Variants in SCUBE2 observed in about 807,000 individuals in gnomAD.
The protein encoded by SCUBE2 is signal peptide, CUB domain and EGF like domain containing 2.
A neutral mutation model predicts 125.9 loss-of-function variants in SCUBE2; 114 were observed. That is an observed-to-expected ratio of 0.91 (90% CI 0.78 to 1.06). The LOEUF is 1.06. Among genes scored for constraint, SCUBE2 ranks in the 50% least tolerant of loss-of-function variants. SCUBE2 has a pLI of 0.00. For synonymous variants in SCUBE2, 459 were observed against 492.9 expected (o/e 0.93, Z 0.91); for missense variants, 1,255 against 1,301.8 (o/e 0.96, Z 0.55).
At position 9,026,994 on chromosome 11, in the gene SCUBE2, TCCCCA is replaced by T. The variant is rs1855821889; in HGVS notation, c.2701+365_2701+369del. On this transcript the variant is annotated intron_variant, in intron 20 of 22. Coordinates refer to ENST00000649792, the MANE Select transcript of SCUBE2 (RefSeq NM_001367977.2). ...CCATGAATCAGGATAGGAGGACAGGTCCCCACCTGGCCAGGCTCGGTCAGTCTCCA... is the reference window on the plus strand; with the variant it reads ...CCATGAATCAGGATAGGAGGACAGGTCCTGGCCAGGCTCGGTCAGTCTCCA... 1.6e-5 allele frequency: 4 copies of T among 257,910 alleles called. No individual in the cohort carries two copies. The South Asian group carries it at 2.1e-4, about 14-fold the overall frequency. The allele number at this position is 257,910 out of a possible 1,614,324, so 16.0% of individuals were successfully genotyped here.
At chr11:9,054,701 G>GTGTATATATATATATATA (rs1303442592) in intron 10 of SCUBE2, among the ~76,000 whole-genome samples, 2 of 51,080 alleles carry the variant, frequency 3.9e-5, no homozygotes, top group East Asian at 7.2e-4. Context: ...AAGCACTAGT[G>GTGTATATATATATATATA]TATATATATA....
At chr11:9,051,348 A>G (rs756646463) in intron 13 of SCUBE2, among the ~76,000 whole-genome samples, 7 of 152,136 alleles carry the variant, frequency 4.6e-5, no homozygotes, top group Non-Finnish European at 2.9e-5. Flanking sequence ...CCTGAGAAAA[A>G]AAGGCCAGAA....
At chr11:9,034,012 C>G (rs1856550144) in intron 16 of SCUBE2, among the ~76,000 whole-genome samples, 1 of 152,218 alleles carries the variant, frequency 6.6e-6, no homozygotes, top group African/African-American at 2.4e-5. Context: ...AGCTCTGTCT[C>G]TCCCTAGACC....
At chr11:9,069,309 C>T in intron 5 of SCUBE2, 61 bp downstream of exon 5, 10 of 1,600,046 alleles carry the variant, frequency 6.2e-6, no homozygotes, top group Non-Finnish European at 5.1e-6. Context: ...AGCTGGGCCA[C>T]AGAAGGCAGC....
chr11:9,088,338 A>G (rs1862295917), intron 2 of SCUBE2, among the ~76,000 whole-genome samples: 1 of 152,206 alleles, frequency 6.6e-6, no homozygotes, highest in Non-Finnish European at 1.5e-5. Flanking sequence ...AAATACAAAA[A>G]TTAGCTGGAC....
intron 18 of SCUBE2, chr11:9,030,474 A>G: frequency 2.3e-6 from 1 of 441,652 alleles, no homozygotes; most frequent in South Asian, 2.8e-5. Flanking sequence ...GAGATGGAGG[A>G]GGGCTAGAGG....
chr11:9,029,320 C>G (rs1856065717), intron 19 of SCUBE2, among the ~76,000 whole-genome samples: 3 of 152,336 alleles, frequency 2.0e-5, no homozygotes, highest in Admixed American at 2.0e-4. Context: ...CCAGGGGTCT[C>G]CTCCCAAAAG....
At chr11:9,066,338 C>T (rs1860229772) in intron 6 of SCUBE2, among the ~76,000 whole-genome samples, 1 of 152,204 alleles carries the variant, frequency 6.6e-6, no homozygotes, top group Non-Finnish European at 1.5e-5. Context: ...GGCAGGCATC[C>T]CGCCAGAAAT....
At chr11:9,035,436 C>A (rs1459087939) in intron 16 of SCUBE2, among the ~76,000 whole-genome samples, 1 of 152,090 alleles carries the variant, frequency 6.6e-6, no homozygotes, top group Non-Finnish European at 1.5e-5. Flanking sequence ...AACAAACGGG[C>A]AGATTTAAGT....
chr11:9,047,094 T>C (rs1032839545), intron 16 of SCUBE2, among the ~76,000 whole-genome samples: 20 of 108,646 alleles, frequency 1.8e-4, no homozygotes, highest in African/African-American at 6.7e-4. Context: ...TCAACCAACA[T>C]TTTAGTGCCC....
chr11:9,085,671 A>G lies in SCUBE2; in HGVS notation c.256+4036T>C, dbSNP rs563520413. On this transcript the variant is annotated intron_variant, in intron 2 of 22. Transcript: ENST00000649792. ...AACCTGGGAGGCGGAGGTTGCAATA[A>G]GCCAACATCACGCCACTGCACTCCA... Among the ~76,000 whole-genome samples the G allele has an allele frequency of 3.9e-5, 6 of 152,280 alleles. No individual in the cohort carries two copies. The East Asian group carries it at 1.2e-3, about 29-fold the overall frequency.
intron 19 of SCUBE2, among the ~76,000 whole-genome samples, 153 bp downstream of exon 19, chr11:9,029,731 C>A (rs560904676): frequency 6.6e-6 from 1 of 152,212 alleles, no homozygotes. Context: ...TGCTCTCTCT[C>A]CATGCTGGTC....
chr11:9,038,631 AC>A (rs1856945769), intron 16 of SCUBE2, among the ~76,000 whole-genome samples: 2 of 152,324 alleles, frequency 1.3e-5, no homozygotes, highest in Non-Finnish European at 2.9e-5. Context: ...AAACAAACAA[AC>A]AAACACAAAA....
intron 16 of SCUBE2, among the ~76,000 whole-genome samples, chr11:9,041,942 C>T (rs1005620185): frequency 6.6e-6 from 1 of 152,088 alleles, no homozygotes; most frequent in Non-Finnish European, 1.5e-5. Flanking sequence ...AGAGAACAGG[C>T]TCCAGCTTGA....
intron 4 of SCUBE2, among the ~76,000 whole-genome samples, chr11:9,072,542 G>C (rs908427124): frequency 2.0e-5 from 3 of 152,152 alleles, no homozygotes; most frequent in African/African-American, 7.2e-5. Context: ...GTTTCATAGA[G>C]TTTAATGTGC....
chr11:9,031,674 T>C (rs1459355236), intron 17 of SCUBE2, among the ~76,000 whole-genome samples: 1 of 151,050 alleles, frequency 6.6e-6, no homozygotes, highest in Non-Finnish European at 1.5e-5. Flanking sequence ...GTTTTAACAA[T>C]AATATTTACT....
chr11:9,082,722 A>G (rs1052432234), intron 2 of SCUBE2, among the ~76,000 whole-genome samples: 2 of 152,234 alleles, frequency 1.3e-5, no homozygotes, highest in Non-Finnish European at 2.9e-5. Context: ...ATCCAACACA[A>G]AAGACCGCAT....
chr11:9,070,422 G>A (rs534437727), intron 4 of SCUBE2, among the ~76,000 whole-genome samples: 16 of 152,246 alleles, frequency 1.1e-4, no homozygotes, highest in African/African-American at 3.9e-4. Flanking sequence ...GCATCCTGAA[G>A]GAATTCTTTT....
intron 4 of SCUBE2, among the ~76,000 whole-genome samples, chr11:9,072,013 A>AT (rs1860840815): frequency 6.6e-6 from 1 of 152,074 alleles, no homozygotes; most frequent in South Asian, 2.1e-4. Context: ...GTCTCTAAGG[A>AT]TAAAAAAAAA....
Sources: gnomAD v4.1 joint callset for allele counts (sites outside exome capture counted in the v4.1 genomes callset) on GRCh38, gnomAD v4.1.1 for gene constraint, MANE v1.5 for transcripts, NCBI Gene and HGNC (gene_info 2026-07-23, HGNC 2026-07-21) for gene names.